The following PDE4D variants were observed in gnomAD, a reference collection of about 807,000 sequenced individuals.
PDE4D encodes 3',5'-cyclic-AMP phosphodiesterase 4D.
A neutral mutation model predicts 87.4 loss-of-function variants in PDE4D; 24 were observed. The ratio of observed to expected loss-of-function variants is 0.27; its 90% CI spans 0.20 to 0.39. The LOEUF (loss-of-function observed/expected upper bound fraction) is 0.39. Among genes scored for constraint, PDE4D ranks in the 10% least tolerant of loss-of-function variants. The probability of loss-of-function intolerance (pLI) is 1.00; values close to 1 mark genes in which losing one functional copy is unlikely to be tolerated. For synonymous variants in PDE4D, 384 were observed against 383.2 expected, an observed-to-expected ratio of 1.00 and a Z score of -0.02; for missense variants, 714 against 1,041.0, an observed-to-expected ratio of 0.69 and a Z score of 4.32.
chr5:60,404,136 AC>A (rs1457679322), intron 1 of PDE4D, among the ~76,000 whole-genome samples: 6 of 148,122 alleles, frequency 4.1e-5, no homozygotes, highest in African/African-American at 1.5e-4. Context: ...TATTTTGTGT[AC>A]CCAGCACCCC....
At chr5:59,739,964 T>C (rs1758608232) in intron 1 of PDE4D, among the ~76,000 whole-genome samples, 1 of 152,190 alleles carries the variant, frequency 6.6e-6, no homozygotes, top group African/African-American at 2.4e-5. Context: ...AAAATTCTCA[T>C]TGGAAGTTGA....
At chr5:59,725,384 A>G (rs1325823060) in intron 1 of PDE4D, among the ~76,000 whole-genome samples, 1 of 152,096 alleles carries the variant, frequency 6.6e-6, no homozygotes, top group African/African-American at 2.4e-5. Flanking sequence ...ATATAAACAC[A>G]TTGTAGATAT....
intron 1 of PDE4D, among the ~76,000 whole-genome samples, chr5:59,289,725 G>A (rs1767654390): frequency 6.6e-6 from 1 of 151,784 alleles, no homozygotes; most frequent in African/African-American, 2.4e-5. Flanking sequence ...AATTTGAAAG[G>A]AAGAAGGCAA....
At chr5:59,703,575 T>C in intron 1 of PDE4D, 1 of 534,508 alleles carries the variant, frequency 1.9e-6, no homozygotes, top group African/African-American at 1.9e-5. Flanking sequence ...TCTGGTGGTG[T>C]TTTCTTTGTC....
At chr5:60,113,262 A>G (rs958811114) in intron 2 of PDE4D, among the ~76,000 whole-genome samples, 3 of 152,128 alleles carry the variant, frequency 2.0e-5, no homozygotes, top group African/African-American at 7.2e-5. Context: ...AGAAAATAGA[A>G]GAAACTTAAG....
rs964555090 is a variant in PDE4D at position 60,213,755 on chromosome 5, C to T, written c.-89-28068G>A. Among the ~76,000 whole-genome samples, 12 of 152,256 alleles carry T rather than the reference C, an allele frequency of 7.9e-5. No individual in the cohort carries two copies. In the South Asian group the frequency reaches 2.5e-3, roughly 32 times the overall value. On this transcript the variant is annotated intron_variant, in intron 1 of 16. Coordinates refer to the PDE4D transcript ENST00000502484. ...GACAAGCCAGTCTTCCTTTATGCCT[C>T]TGTCATTGGCACCTGTCCTCCATTT...
At chr5:59,360,368 T>C (rs1161815699) in intron 1 of PDE4D, among the ~76,000 whole-genome samples, 1 of 152,130 alleles carries the variant, frequency 6.6e-6, no homozygotes, top group African/African-American at 2.4e-5. Flanking sequence ...GGTTTCAGGA[T>C]AGTGCTGTAT....
At chr5:59,274,583 A>G (rs1032104936) in intron 1 of PDE4D, among the ~76,000 whole-genome samples, 15 of 152,142 alleles carry the variant, frequency 9.9e-5, no homozygotes, top group Non-Finnish European at 1.9e-4. Flanking sequence ...AAAACAAAAT[A>G]AGACTAACCC....
At chr5:59,761,461 A>G (rs1282372322) in intron 1 of PDE4D, among the ~76,000 whole-genome samples, 1 of 152,122 alleles carries the variant, frequency 6.6e-6, no homozygotes, top group Non-Finnish European at 1.5e-5. Flanking sequence ...CTCTTTTGTA[A>G]TAACACTTAA....
intron 2 of PDE4D, among the ~76,000 whole-genome samples, chr5:60,120,298 G>A (rs761958489): frequency 1.3e-5 from 2 of 152,188 alleles, no homozygotes; most frequent in Non-Finnish European, 2.9e-5. Flanking sequence ...GTGGGTCTGA[G>A]TAACTCCAGA....
At chr5:59,177,726 A>G (rs1446572869) in intron 5 of PDE4D, among the ~76,000 whole-genome samples, 1 of 152,186 alleles carries the variant, frequency 6.6e-6, no homozygotes, top group Admixed American at 6.5e-5. Context: ...GTGCTCTAGC[A>G]GCCTTTTGGA....
In PDE4D at chr5:59,812,396, G is replaced by A. The variant is rs186403846; in HGVS notation, c.455+80772C>T. 3.8e-3 allele frequency among the ~76,000 whole-genome samples: 578 copies of A among 152,288 alleles called. 6 individuals are homozygous for A. The highest frequency in any genetic ancestry group is 3.9e-3 in the Non-Finnish European group (264 of 68,028). On this transcript the variant is annotated intron_variant, in intron 1 of 14. Coordinates refer to ENST00000340635, the MANE Select transcript of PDE4D (RefSeq NM_001104631.2). ...TCAAATGTATCAAGTGGGGCCAGGC[G>A]TCATGGCACCTGTAATCTGAAATCC...
At chr5:59,596,161 G>A (rs1465095644) in intron 1 of PDE4D, among the ~76,000 whole-genome samples, 1 of 151,248 alleles carries the variant, frequency 6.6e-6, no homozygotes, top group Non-Finnish European at 1.5e-5. Context: ...ACACATCATT[G>A]GCAGTTAACA....
In PDE4D at chr5:59,750,084, CTTTTTTT is replaced by C. The variant is rs35243469; in HGVS notation, c.455+143077_455+143083del. On this transcript the variant is annotated intron_variant, in intron 1 of 14. Coordinates refer to ENST00000340635, the MANE Select transcript of PDE4D (RefSeq NM_001104631.2). ...TTCAAATGGTAGACAGAATTATGAC[CTTTTTTT>C]TTTTTTTTTTTTTAACTACTTTTAC... Among the ~76,000 whole-genome samples the C allele has an allele frequency of 4.6e-5, 6 of 131,464 alleles. No homozygotes were observed. The South Asian group carries it at 1.0e-3, about 22-fold the overall frequency. The allele number at this position is 131,464 out of a possible 152,430, so 86.2% of individuals were successfully genotyped here.
intron 1 of PDE4D, among the ~76,000 whole-genome samples, chr5:59,501,438 G>A (rs1044193641): frequency 6.6e-6 from 1 of 152,130 alleles, no homozygotes; most frequent in Non-Finnish European, 1.5e-5. Context: ...ACAAAGACAT[G>A]CACAAATAAT....
chr5:60,348,517 G>A (rs1758917551), intron 1 of PDE4D, among the ~76,000 whole-genome samples: 1 of 152,084 alleles, frequency 6.6e-6, no homozygotes. Context: ...ATTAGTCTTA[G>A]TAGAAAAAAA....
intron 1 of PDE4D, among the ~76,000 whole-genome samples, chr5:59,628,868 G>T (rs1437165893): frequency 2.6e-5 from 4 of 152,278 alleles, no homozygotes; most frequent in South Asian, 2.1e-4. Context: ...ATGGAAAGAG[G>T]TTTAATTGAC....
At chr5:60,076,748 CCAGA>C (rs1251844166) in intron 2 of PDE4D, among the ~76,000 whole-genome samples, 1 of 152,176 alleles carries the variant, frequency 6.6e-6, no homozygotes, top group East Asian at 1.9e-4. Context: ...ATGGGTAGTG[CCAGA>C]CAAAGAGCTT....
At chr5:59,717,726 G>C (rs1462558997) in intron 1 of PDE4D, among the ~76,000 whole-genome samples, 1 of 152,170 alleles carries the variant, frequency 6.6e-6, no homozygotes, top group African/African-American at 2.4e-5. Flanking sequence ...TTCCATTCCA[G>C]CTAGCACAGA....
Sources: allele counts gnomAD v4.1 joint callset (sites outside exome capture counted in the v4.1 genomes callset), GRCh38; gene constraint gnomAD v4.1.1; transcripts MANE v1.5; gene names NCBI Gene and HGNC (gene_info 2026-07-23, HGNC 2026-07-21).